The following CERS1 variants were observed in gnomAD, a reference collection of about 807,000 sequenced individuals.
CERS1 encodes the protein ceramide synthase 1, also known as Embryonic growth/differentiation factor 1.
A neutral mutation model predicts 35.7 loss-of-function variants in CERS1; 16 were observed. The observed-to-expected ratio is 0.45, with a 90% CI of 0.30 to 0.68. The LOEUF (loss-of-function observed/expected upper bound fraction) is 0.68. Ranked by LOEUF, CERS1 falls within the 30% of genes least tolerant of loss-of-function variation. The pLI is 0.08. For synonymous variants in CERS1, 243 were observed against 201.6 expected (o/e 1.21, Z -1.74); for missense variants, 454 against 453.9 (o/e 1.00, Z 0.00).
chr19:18,870,312 C>A lies in CERS1; in HGVS notation c.*265G>T. 6.5e-7 allele frequency: 1 copy of A among 1,545,252 alleles called. No homozygotes were observed. Among genetic ancestry groups the A allele is most frequent in the Non-Finnish European group, 8.7e-7 (1 of 1,146,340 alleles). On this transcript the variant is annotated 3_prime_UTR_variant, in exon 7 of 8. Transcript: ENST00000623882. The surrounding 1 kb of genome is among the most constrained non-coding windows in gnomAD (Gnocchi z 5.1). ...ACCTTGCTGCGGCGGTGGCATCTTC[C>A]TCCCAGGCGATGACCAGAGAGTGCG...
intron 2 of CERS1, among the ~76,000 whole-genome samples, chr19:18,887,744 C>CAA (rs201962831): frequency 1.2e-3 from 120 of 103,960 alleles, no homozygotes; most frequent in Admixed American, 1.2e-3. Flanking sequence ...AACTCCATCT[C>CAA]AAAAAAAAAA....
intron 1 of CERS1, among the ~76,000 whole-genome samples, chr19:18,894,542 T>C (rs2056578077): frequency 1.3e-5 from 2 of 151,976 alleles, no homozygotes; most frequent in Non-Finnish European, 2.9e-5. Context: ...TCGGCCCTGG[T>C]AGTCTACCAG....
chr19:18,879,944 C>T (rs1283146189), intron 4 of CERS1, among the ~76,000 whole-genome samples: 1 of 151,680 alleles, frequency 6.6e-6, no homozygotes, highest in Admixed American at 6.6e-5. Flanking sequence ...CCCTGGCTTG[C>T]TCTGTATTAG....
intron 6 of CERS1, among the ~76,000 whole-genome samples, chr19:18,872,268 C>A (rs1350189947): frequency 6.6e-6 from 1 of 152,250 alleles, no homozygotes; most frequent in Admixed American, 6.5e-5. Context: ...TCAGAAACAG[C>A]TGTCAGTATT....
At chr19:18,869,875 G>A in intron 7 of CERS1, 108 bp downstream of exon 7, 2 of 1,086,150 alleles carry the variant, frequency 1.8e-6, no homozygotes, top group South Asian at 1.3e-5. Context: ...CCTGGACAGG[G>A]CGGGTGGGGA....
In CERS1 at chr19:18,895,763, TC is replaced by T; in HGVS notation, c.249+60del. On this transcript the variant is annotated intron_variant, in intron 1 of 7. Coordinates refer to ENST00000623882, the MANE Select transcript of CERS1 (RefSeq NM_021267.5). The surrounding 1 kb of genome is among the most constrained non-coding windows in gnomAD (Gnocchi z 6.4). ...AAAGGAACGCGCCGGCGGCCCCAGGTCCCCGGTCCCGGCTTCCCCCAGTCCG... is the reference window on the plus strand; with the variant it reads ...AAAGGAACGCGCCGGCGGCCCCAGGTCCCGGTCCCGGCTTCCCCCAGTCCG... 3 of 961,692 alleles carry T rather than the reference TC, an allele frequency of 3.1e-6. No individual in the cohort carries two copies. Among genetic ancestry groups the T allele is most frequent in the Non-Finnish European group, 1.3e-6 (1 of 763,780 alleles). 59.6% of individuals were successfully genotyped at this position (961,692 alleles called of 1,614,324 possible).
At position 18,879,392 on chromosome 19, in the gene CERS1, C is replaced by T. The variant is rs752273143; in HGVS notation, c.753-4G>A. 28 of 1,558,290 alleles carry T rather than the reference C, an allele frequency of 1.8e-5. No homozygotes were observed. The highest frequency in any genetic ancestry group is 1.1e-4 in the African/African-American group (8 of 73,362). On this transcript the variant is annotated splice_region_variant and splice_polypyrimidine_tract_variant and intron_variant, in intron 4 of 7. Coordinates refer to ENST00000623882, the MANE Select transcript of CERS1 (RefSeq NM_021267.5). ...CCAGTAGAGGCGGAACCAGAACCTG[C>T]GGTGGGAGGAGTCAGGAGGCCGTGG... is the stretch of plus-strand genomic sequence containing the variant.
rs1288122892 is a variant in CERS1, at chr19:18,868,783, C to T, written c.*1202G>A. On this transcript the variant is annotated 3_prime_UTR_variant, in exon 8 of 8. Transcript: ENST00000623882. ...GCACAGCGTGGTTGAGCGCCGGCGG[C>T]CCCCCGGACCCCGACAGCGCGACGG... 4 of 1,459,362 alleles carry T rather than the reference C, an allele frequency of 2.7e-6. No homozygotes were observed. The highest frequency in any genetic ancestry group is 1.5e-5 in the African/African-American group (1 of 66,744). The allele number at this position is 1,459,362 out of a possible 1,614,324, so 90.4% of individuals were successfully genotyped here.
chr19:18,873,076 G>A (rs556755236), intron 6 of CERS1, among the ~76,000 whole-genome samples: 1 of 147,976 alleles, frequency 6.8e-6, no homozygotes, highest in Non-Finnish European at 1.5e-5. Context: ...CATAGATGAG[G>A]AGGAGAGGGA....
Position 18,878,096 on chromosome 19 carries a change from T to G in CERS1, c.1010+834A>C. 2 of 985,520 alleles carry G rather than the reference T, an allele frequency of 2.0e-6. No individual in the cohort carries two copies. Among genetic ancestry groups the G allele is most frequent in the Non-Finnish European group, 2.4e-6 (2 of 830,004 alleles). 61.0% of individuals were successfully genotyped at this position (985,520 alleles called of 1,614,324 possible). A position where few individuals can be genotyped will look rare whatever the true frequency, so the allele number is the denominator to read the frequency against. On this transcript the variant is annotated intron_variant, in intron 6 of 7. Transcript: ENST00000623882. This position sits in a 1 kb window ranked among gnomAD's most constrained non-coding sequence, Gnocchi z 4.6. ...CGTCACGGAGCTCTGAGCCACTGCTTCCCTGAAACCATCGTTCCCACGTCA... is the reference window on the plus strand; with the variant it reads ...CGTCACGGAGCTCTGAGCCACTGCTGCCCTGAAACCATCGTTCCCACGTCA...
intron 1 of CERS1, among the ~76,000 whole-genome samples, chr19:18,894,268 C>T (rs1237794361): frequency 6.6e-6 from 1 of 151,684 alleles, no homozygotes; most frequent in Non-Finnish European, 1.5e-5. Flanking sequence ...GGTGGCGGGG[C>T]GCGGCTCCAG....
In CERS1 at chr19:18,870,129, G is replaced by T. The variant is rs868299849; in HGVS notation, c.*448C>A. On this transcript the variant is annotated 3_prime_UTR_variant, in exon 7 of 8. Transcript: ENST00000623882. This position sits in a 1 kb window ranked among gnomAD's most constrained non-coding sequence, Gnocchi z 5.1. Reference sequence around the variant, plus strand: ...GCGTCGAAACAGGCGCCACATGACCGGGGGAACCGGCCGGAGCCTGGGGGC... The same window carrying T: ...GCGTCGAAACAGGCGCCACATGACCTGGGGAACCGGCCGGAGCCTGGGGGC... 1 of 1,566,046 alleles carries T rather than the reference G, an allele frequency of 6.4e-7. No homozygotes were observed.
chr19:18,892,969 T>C (rs942268791), intron 2 of CERS1, among the ~76,000 whole-genome samples: 1 of 151,978 alleles, frequency 6.6e-6, no homozygotes, highest in African/African-American at 2.4e-5. Flanking sequence ...CAGGCTGGAG[T>C]GCAGTGGCGC....
intron 2 of CERS1, among the ~76,000 whole-genome samples, chr19:18,890,000 C>G (rs1471634759): frequency 6.6e-6 from 1 of 152,210 alleles, no homozygotes. Context: ...CCTTCAGGCT[C>G]CAGCTCCTGC....
At chr19:18,887,958 C>G (rs542544223) in intron 2 of CERS1, among the ~76,000 whole-genome samples, 25 of 152,230 alleles carry the variant, frequency 1.6e-4, no homozygotes, top group African/African-American at 5.8e-4. Context: ...CTTTCTGTCT[C>G]TATGAGTGGG....
chr19:18,888,685 C>T (rs1208138213), intron 2 of CERS1, among the ~76,000 whole-genome samples: 1 of 151,242 alleles, frequency 6.6e-6, no homozygotes, highest in Non-Finnish European at 1.5e-5. Flanking sequence ...ACAAAATTAG[C>T]CGGGTGTGGT....
chr19:18,888,100 C>T (rs1359770724), intron 2 of CERS1, among the ~76,000 whole-genome samples: 2 of 152,228 alleles, frequency 1.3e-5, no homozygotes, highest in Non-Finnish European at 2.9e-5. Context: ...TGGCTCACGC[C>T]TGTAATCCCA....
At position 18,869,390 on chromosome 19, in the gene CERS1, C is replaced by G; in HGVS notation, c.*595G>C. The stretch of plus-strand genomic sequence containing the variant: ...AGGCTCCGAGGCCCGGGTGGGCGCA[C>G]CTGGGGAGGTAGGAACAGGAACTCG... On this transcript the variant is annotated splice_region_variant and 3_prime_UTR_variant, in exon 8 of 8. Transcript: ENST00000623882. 6.5e-7 allele frequency: 1 copy of G among 1,528,208 alleles called. No individual in the cohort carries two copies. The highest frequency in any genetic ancestry group is 8.7e-7 in the Non-Finnish European group (1 of 1,144,184). The allele number at this position is 1,528,208 out of a possible 1,614,324, so 94.7% of individuals were successfully genotyped here.
chr19:18,873,842 A>AC (rs1345834103), intron 6 of CERS1, among the ~76,000 whole-genome samples: 8 of 129,122 alleles, frequency 6.2e-5, no homozygotes, highest in Admixed American at 3.8e-4. Context: ...CTCTGTCTCG[A>AC]AAAAAAAAAA....
Sources: allele counts gnomAD v4.1 joint callset (sites outside exome capture counted in the v4.1 genomes callset), GRCh38; gene constraint gnomAD v4.1.1; non-coding constraint Gnocchi (gnomAD v3.1); transcripts MANE v1.5; gene names NCBI Gene and HGNC (gene_info 2026-07-23, HGNC 2026-07-21).